The following UPF1 variants were observed in gnomAD, a reference collection of about 807,000 sequenced individuals.
UPF1 encodes UPF1 RNA helicase and ATPase, also known as regulator of nonsense transcripts 1.
A neutral mutation model predicts 129.2 loss-of-function variants in UPF1; 9 were observed. The ratio of observed to expected loss-of-function variants is 0.07; its 90% CI spans 0.04 to 0.12. The LOEUF is 0.12. UPF1 is among the 10% of genes least tolerant of loss of function. The pLI, the probability that UPF1 is intolerant of heterozygous loss-of-function variation, is 1.00. For synonymous variants in UPF1, 649 were observed against 644.9 expected (o/e 1.01, Z -0.10); for missense variants, 788 against 1,525.3 (o/e 0.52, Z 8.05).
At position 18,863,721 on chromosome 19, in the gene UPF1, C is replaced by T. The variant is rs2055807929; in HGVS notation, c.2775+109C>T. The T allele has an allele frequency of 4.2e-6, 6 of 1,413,224 alleles. No individual in the cohort carries two copies. In the Admixed American group the frequency reaches 6.7e-5, roughly 16 times the overall value. The allele number at this position is 1,413,224 out of a possible 1,614,324, so 87.5% of individuals were successfully genotyped here. ...TGCCCGTGAGCTGAGGGAGGGCTCTCCTAGGGGAGGGTGGGCTCTCCTAGG... is the reference window on the plus strand; with the variant it reads ...TGCCCGTGAGCTGAGGGAGGGCTCTTCTAGGGGAGGGTGGGCTCTCCTAGG... On this transcript the variant is annotated intron_variant, in intron 19 of 23. Transcript: ENST00000262803.
At chr19:18,857,675 C>T in intron 15 of UPF1, 142 bp downstream of exon 15, 1 of 980,284 alleles carries the variant, frequency 1.0e-6, no homozygotes, top group Non-Finnish European at 1.5e-6. Context: ...ACTTTGTGCC[C>T]AAGGTCTTGA....
chr19:18,845,848 G>T, intron 1 of UPF1, 132 bp from the exon 2 acceptor site: 3 of 1,360,438 alleles, frequency 2.2e-6, no homozygotes, highest in Non-Finnish European at 2.9e-6. Flanking sequence ...GTGAAATCCA[G>T]TCAGAACAAG....
intron 1 of UPF1, among the ~76,000 whole-genome samples, chr19:18,840,208 G>A (rs962241621): frequency 3.3e-5 from 5 of 152,156 alleles, no homozygotes; most frequent in African/African-American, 1.2e-4. Context: ...GGAGGACACC[G>A]GGATCAGGGC....
intron 5 of UPF1, 21 bp from the exon 6 acceptor site, chr19:18,852,114 C>T (rs756879786): frequency 5.7e-6 from 9 of 1,588,838 alleles, no homozygotes; most frequent in Admixed American, 5.5e-5. Context: ...ACGAGTGTGG[C>T]GCGGTGTTGT....
At chr19:18,838,264 A>G (rs1230480446) in intron 1 of UPF1, among the ~76,000 whole-genome samples, 1 of 152,130 alleles carries the variant, frequency 6.6e-6, no homozygotes, top group African/African-American at 2.4e-5. Context: ...ATTTGAGCTC[A>G]GGAGTTTGAG....
chr19:18,832,419 G>C lies in UPF1; in HGVS notation c.210G>C (p.Ala70=). 1.0e-6 allele frequency: 1 copy of C among 997,258 alleles called. No homozygotes were observed. Among genetic ancestry groups the C allele is most frequent in the Non-Finnish European group, 1.2e-6 (1 of 838,574 alleles). 61.8% of individuals were successfully genotyped at this position (997,258 alleles called of 1,614,324 possible). ...GGPGGAGAGA[A]AGQLDAQVGP... is the part of the protein sequence containing the mutation. The stretch of plus-strand genomic sequence containing the variant: ...CGGGCGGCGCGGGCGCGGGCGCTGC[G>C]GCGGGACAGCTCGACGCGCAGGTGA... The change falls in exon 1 of 24, where the codon GCG becomes GCC. Residue 70 remains alanine, a synonymous_variant. Coordinates refer to ENST00000262803, the MANE Select transcript of UPF1 (RefSeq NM_002911.4). This position sits in a 1 kb window ranked among gnomAD's most constrained non-coding sequence, Gnocchi z 5.6.
chr19:18,852,431 A>G, intron 6 of UPF1, 135 bp downstream of exon 6: 1 of 1,330,180 alleles, frequency 7.5e-7, no homozygotes, highest in Non-Finnish European at 1.0e-6. Context: ...TGAGAGTTGG[A>G]ACTTGCGGAT....
chr19:18,846,439 T>C (rs945262982), intron 2 of UPF1, among the ~76,000 whole-genome samples: 3 of 151,904 alleles, frequency 2.0e-5, no homozygotes, highest in African/African-American at 4.8e-5. Context: ...TGTCATGGCA[T>C]TGGGTGAGCA....
At chr19:18,864,342 C>G in intron 20 of UPF1, 91 bp downstream of exon 20, 2 of 1,226,600 alleles carry the variant, frequency 1.6e-6, no homozygotes, top group Non-Finnish European at 2.3e-6. Flanking sequence ...GTGCCCCCAT[C>G]TTTCCTTCCC....
intron 17 of UPF1, among the ~76,000 whole-genome samples, chr19:18,861,280 C>T (rs1009689464): frequency 1.3e-5 from 2 of 152,236 alleles, no homozygotes; most frequent in Admixed American, 6.5e-5. Context: ...CAAGGTGGAA[C>T]GGCAGTGGTC....
chr19:18,857,554 G>T (rs756531904), intron 15 of UPF1, 21 bp downstream of exon 15: 1 of 1,583,588 alleles, frequency 6.3e-7, no homozygotes, highest in Admixed American at 1.8e-5. Context: ...TCTGCCCAGG[G>T]CAGGGGCTTC....
At chr19:18,842,080 G>T (rs1049619321) in intron 1 of UPF1, among the ~76,000 whole-genome samples, 5 of 152,178 alleles carry the variant, frequency 3.3e-5, no homozygotes, top group African/African-American at 1.2e-4. Flanking sequence ...CTGGGTGGCA[G>T]AGCAAGACCC....
rs2055431105 is a variant in UPF1 at position 18,832,084 on chromosome 19, T to G, written c.-126T>G. On this transcript the variant is annotated 5_prime_UTR_variant, in exon 1 of 24. Transcript: ENST00000262803. The surrounding 1 kb of genome is among the most constrained non-coding windows in gnomAD (Gnocchi z 5.6). Reference sequence around the variant, plus strand: ...GTCCGGCTGGCGCCGGGGCGCGCGGTTTGGTCCTTTCCGGGCGCGCGGGGG... The same window carrying G: ...GTCCGGCTGGCGCCGGGGCGCGCGGGTTGGTCCTTTCCGGGCGCGCGGGGG... 1.1e-5 allele frequency: 10 copies of G among 924,950 alleles called. No individual in the cohort carries two copies. The highest frequency in any genetic ancestry group is 1.4e-5 in the Non-Finnish European group (10 of 695,292). 57.3% of individuals were successfully genotyped at this position (924,950 alleles called of 1,614,324 possible).
Position 18,865,344 on chromosome 19 carries a change from C to T in UPF1, c.2913C>T (p.Ala971=), listed in dbSNP as rs144600297. 134 of 1,613,872 alleles carry T rather than the reference C, an allele frequency of 8.3e-5. No homozygotes were observed. The highest frequency in any genetic ancestry group is 1.1e-4 in the Non-Finnish European group (128 of 1,180,000). The change falls in exon 21 of 24, where the codon GCC becomes GCT. Residue 971 remains alanine (A), a synonymous_variant. Coordinates refer to ENST00000262803, the MANE Select transcript of UPF1 (RefSeq NM_002911.4). The surrounding 1 kb of genome is among the most constrained non-coding windows in gnomAD (Gnocchi z 6.1). ...QTHDQIGMIS[A]GPSHVAAMNI... is the part of the protein sequence containing the mutation. ...ATGACCAGATTGGCATGATCAGTGC[C>T]GGCCCTAGCCACGTGGCTGCCATGA...
chr19:18,865,366 A>C lies in UPF1; in HGVS notation c.2935A>C (p.Met979Leu). The change falls in exon 21 of 24, where the codon ATG becomes CTG. Residue 979 changes from methionine to leucine, a missense_variant. This residue lies in a region of UPF1 where 218 missense variants were observed against 318.1 expected (regional missense o/e 0.69). Transcript: ENST00000262803. The surrounding 1 kb of genome is among the most constrained non-coding windows in gnomAD (Gnocchi z 6.1). ...ISAGPSHVAA[M>L]NIPIPFNLVM... ...TGCCGGCCCTAGCCACGTGGCTGCC[A>C]TGAACATTCCCATCCCCTTCAACCT... 3.1e-6 allele frequency: 5 copies of C among 1,614,114 alleles called. No homozygotes were observed. Among genetic ancestry groups the C allele is most frequent in the Non-Finnish European group, 3.4e-6 (4 of 1,180,030 alleles).
chr19:18,857,232 A>G lies in UPF1; in HGVS notation c.1969-88A>G, dbSNP rs924999474. ...CCTGTGGCCAGGTGGTGTCCTGTGC[A>G]TCCTGGGGCCCCTACTTCCTTGCTA... On this transcript the variant is annotated intron_variant, in intron 14 of 23. Transcript: ENST00000262803. The G allele has an allele frequency of 5.3e-6, 8 of 1,507,568 alleles. No homozygotes were observed. The Admixed American group carries it at 6.0e-5, about 11-fold the overall frequency. The allele number at this position is 1,507,568 out of a possible 1,614,324, so 93.4% of individuals were successfully genotyped here.
rs370908972 is a variant in UPF1 at position 18,839,812 on chromosome 19, G to A, written c.232-6168G>A. Among the ~76,000 whole-genome samples the A allele has an allele frequency of 5.9e-5, 9 of 152,332 alleles. No individual in the cohort carries two copies. The East Asian group carries it at 1.2e-3, about 20-fold the overall frequency. On this transcript the variant is annotated intron_variant, in intron 1 of 23. Coordinates refer to ENST00000262803, the MANE Select transcript of UPF1 (RefSeq NM_002911.4). ...GGAGAGTGAAGCCTTTGACCCCCGC[G>A]GTTGCACTGTTAGAAGACAGCACAT...
At chr19:18,852,442 C>A (rs2055669960) in intron 6 of UPF1, 146 bp downstream of exon 6, 1 of 1,214,650 alleles carries the variant, frequency 8.2e-7, no homozygotes, top group Non-Finnish European at 1.1e-6. Flanking sequence ...ACTTGCGGAT[C>A]CGGGCCTGGC....
chr19:18,865,701 C>T lies in UPF1; in HGVS notation c.3160C>T (p.Leu1054=), dbSNP rs772315787. The change falls in exon 22 of 24, where the codon CTG becomes TTG. Residue 1054 remains leucine (L), a synonymous_variant. Transcript: ENST00000262803. This position sits in a 1 kb window ranked among gnomAD's most constrained non-coding sequence, Gnocchi z 6.1. ...GTCACAGCCCTTCTCTCAGGGCGCC[C>T]TGACGCAGGGCTACATCTCCATGAG... The part of the protein sequence containing the change: ...VASQPFSQGA[L]TQGYISMSQP... 2.5e-6 allele frequency: 4 copies of T among 1,613,678 alleles called. No individual in the cohort carries two copies. Among genetic ancestry groups the T allele is most frequent in the Admixed American group, 1.7e-5 (1 of 60,016 alleles).
Sources: gnomAD v4.1 joint callset for allele counts (sites outside exome capture counted in the v4.1 genomes callset) on GRCh38, gnomAD v4.1.1 for gene constraint, gnomAD v4.1.1 regional missense constraint, Gnocchi (gnomAD v3.1) non-coding constraint, MANE v1.5 for transcripts, NCBI Gene and HGNC (gene_info 2026-07-23, HGNC 2026-07-21) for gene names.